The following BAZ2B variants were observed in gnomAD, a reference collection of about 807,000 sequenced individuals.
BAZ2B encodes bromodomain adjacent to zinc finger domain protein 2B.
A neutral mutation model predicts 246.0 loss-of-function variants in BAZ2B; 91 were observed. That is an observed-to-expected ratio of 0.37 (90% CI 0.31 to 0.44). BAZ2B has a LOEUF of 0.44. BAZ2B is among the 20% of genes least tolerant of loss of function. The pLI is 1.00. For synonymous variants in BAZ2B, 855 were observed against 860.0 expected (o/e 0.99, Z 0.10); for missense variants, 2,332 against 2,533.7 (o/e 0.92, Z 1.71).
At chr2:159,582,089 G>A (rs540286324) in intron 1 of BAZ2B, among the ~76,000 whole-genome samples, 2 of 152,202 alleles carry the variant, frequency 1.3e-5, no homozygotes, top group South Asian at 4.1e-4. Flanking sequence ...ACACATCACT[G>A]TATAATCCTT....
intron 1 of BAZ2B, among the ~76,000 whole-genome samples, chr2:159,564,825 G>C (rs2090208693): frequency 1.3e-5 from 2 of 152,072 alleles, no homozygotes; most frequent in African/African-American, 4.8e-5. Context: ...AATGCTGCCG[G>C]GAAAACAACA....
the BAZ2B span, among the ~76,000 whole-genome samples, chr2:159,626,518 C>G: frequency 2.0e-5 from 3 of 152,130 alleles, no homozygotes; most frequent in Admixed American, 6.6e-5. Context: ...GATTAAGAAA[C>G]TCACTCAAAA....
chr2:159,584,522 G>A (rs577750643), intron 1 of BAZ2B, among the ~76,000 whole-genome samples: 3 of 152,332 alleles, frequency 2.0e-5, no homozygotes, highest in South Asian at 2.1e-4. Context: ...TCCAAGAAAT[G>A]ATTGTAACCT....
intron 16 of BAZ2B, among the ~76,000 whole-genome samples, chr2:159,401,337 C>G (rs2065031766): frequency 6.6e-6 from 1 of 152,120 alleles, no homozygotes; most frequent in Admixed American, 6.5e-5. Context: ...AACATACAGC[C>G]AATTCTGGAT....
chr2:159,592,271 G>A (rs1441586771), intron 1 of BAZ2B, among the ~76,000 whole-genome samples: 4 of 152,072 alleles, frequency 2.6e-5, no homozygotes, highest in Non-Finnish European at 5.9e-5. Context: ...GTAATTCTGG[G>A]ATCATGTTAA....
intron 2 of BAZ2B, among the ~76,000 whole-genome samples, chr2:159,537,075 T>G (rs1194893412): frequency 6.6e-6 from 1 of 152,186 alleles, no homozygotes; most frequent in African/African-American, 2.4e-5. Flanking sequence ...CATTCAGCCT[T>G]AAAACGAAAG....
the BAZ2B span, among the ~76,000 whole-genome samples, chr2:159,682,972 T>A: frequency 6.6e-6 from 1 of 150,498 alleles, no homozygotes; most frequent in South Asian, 2.1e-4. Context: ...CATCACCTTT[T>A]TTTTTTCTTT....
chr2:159,577,102 C>T (rs1685530005), intron 1 of BAZ2B, among the ~76,000 whole-genome samples: 1 of 151,394 alleles, frequency 6.6e-6, no homozygotes, highest in Non-Finnish European at 1.5e-5. Flanking sequence ...GTGGTGTATG[C>T]CTCTAGTCCC....
intron 4 of BAZ2B, among the ~76,000 whole-genome samples, chr2:159,453,162 T>G (rs2075307457): frequency 1.3e-5 from 2 of 152,124 alleles, no homozygotes; most frequent in African/African-American, 4.8e-5. Context: ...CTAGCTCATT[T>G]TCCTTACAGT....
intron 2 of BAZ2B, among the ~76,000 whole-genome samples, chr2:159,500,256 A>C (rs1380309760): frequency 6.6e-6 from 1 of 152,104 alleles, no homozygotes; most frequent in Admixed American, 6.5e-5. Flanking sequence ...CTCTCCCAGC[A>C]CCCTCTGTTA....
the BAZ2B span, among the ~76,000 whole-genome samples, chr2:159,632,189 G>A: frequency 6.6e-6 from 1 of 152,116 alleles, no homozygotes; most frequent in East Asian, 1.9e-4. Flanking sequence ...TCTTTCCCAT[G>A]ACAATCCTGT....
the BAZ2B span, among the ~76,000 whole-genome samples, chr2:159,663,739 G>C: frequency 2.0e-5 from 3 of 150,546 alleles, no homozygotes; most frequent in South Asian, 2.1e-4. Flanking sequence ...GGCTGGTCTT[G>C]AACTCCTGAC....
intron 27 of BAZ2B, among the ~76,000 whole-genome samples, chr2:159,356,093 GT>G (rs987638835): frequency 6.6e-6 from 1 of 152,040 alleles, no homozygotes; most frequent in Non-Finnish European, 1.5e-5. Context: ...AGCTGCAAGA[GT>G]TTTTTTTCAT....
chr2:159,481,587 G>A (rs944935889), intron 2 of BAZ2B, among the ~76,000 whole-genome samples: 2 of 151,730 alleles, frequency 1.3e-5, no homozygotes, highest in Non-Finnish European at 2.9e-5. Context: ...GTTTCACAGT[G>A]GAGAAACAAC....
At chr2:159,338,717 A>G (rs1575746095) in intron 31 of BAZ2B, among the ~76,000 whole-genome samples, 1 of 152,160 alleles carries the variant, frequency 6.6e-6, no homozygotes, top group South Asian at 2.1e-4. Context: ...AAGCTTTCCA[A>G]TCCTCGTGCT....
At chr2:159,434,854 C>A (rs2071892253) in intron 8 of BAZ2B, 1 of 151,968 alleles carries the variant, frequency 6.6e-6, no homozygotes, top group South Asian at 2.1e-4. Flanking sequence ...AGATTATAAA[C>A]TATTAAGCCA....
chr2:159,666,257 C>CTTTTTTTTTTTTTTTTTTTTTTTTTGTT, the BAZ2B span, among the ~76,000 whole-genome samples: 1 of 94,218 alleles, frequency 1.1e-5, no homozygotes, highest in Non-Finnish European at 2.1e-5. Flanking sequence ...TTTTATGATT[C>CTTTTTTTTTTTTTTTTTTTTTTTTTGTT]TTTTTTTTTT....
At chr2:159,580,518 C>T in intron 1 of BAZ2B, among the ~76,000 whole-genome samples, 1 of 152,138 alleles carries the variant, frequency 6.6e-6, no homozygotes, top group African/African-American at 2.4e-5. Flanking sequence ...TCAATACCAT[C>T]CCCATCAAGC....
At chr2:159,599,914 C>T (rs182443499) in intron 1 of BAZ2B, among the ~76,000 whole-genome samples, 40 of 124,584 alleles carry the variant, frequency 3.2e-4, no homozygotes, top group East Asian at 2.3e-3. Flanking sequence ...CCAGCCTGGG[C>T]GACAGAGCGA....
Sources: gnomAD v4.1 joint callset for allele counts (sites outside exome capture counted in the v4.1 genomes callset) on GRCh38, gnomAD v4.1.1 for gene constraint, MANE v1.5 for transcripts, NCBI Gene and HGNC (gene_info 2026-07-23, HGNC 2026-07-21) for gene names.